The following PAIP2 variants were observed in gnomAD, a reference collection of about 807,000 sequenced individuals.
PAIP2 encodes the protein polyadenylate-binding protein-interacting protein 2.
A neutral mutation model predicts 14.8 loss-of-function variants in PAIP2; 7 were observed. That is an observed-to-expected ratio of 0.47 (90% CI 0.27 to 0.89). PAIP2 has a LOEUF of 0.89. Among genes scored for constraint, PAIP2 ranks in the 40% least tolerant of loss-of-function variants. The probability of loss-of-function intolerance (pLI) is 0.13; values close to 1 mark genes in which losing one functional copy is unlikely to be tolerated. For missense variants in PAIP2, 122 were observed against 154.7 expected, an observed-to-expected ratio of 0.79 and a Z score of 1.12; for synonymous variants, 47 against 45.3, an observed-to-expected ratio of 1.04 and a Z score of -0.15.
chr5:139,361,327 CA>C (rs1757061210), intron 1 of PAIP2, among the ~76,000 whole-genome samples: 1 of 151,814 alleles, frequency 6.6e-6, no homozygotes, highest in Non-Finnish European at 1.5e-5. Flanking sequence ...AAACTTATCC[CA>C]AAGGGAAAAA....
At chr5:139,351,722 CA>C (rs1756740694) in intron 1 of PAIP2, among the ~76,000 whole-genome samples, 2 of 151,966 alleles carry the variant, frequency 1.3e-5, no homozygotes, top group Admixed American at 1.3e-4. Context: ...CTTGCTGTAT[CA>C]CCCAGGCTGG....
chr5:139,344,882 A>G (rs1353205832), intron 1 of PAIP2, among the ~76,000 whole-genome samples: 1 of 152,086 alleles, frequency 6.6e-6, no homozygotes, highest in Non-Finnish European at 1.5e-5. Context: ...TTAATCACCG[A>G]GATAGTTAAT....
At chr5:139,357,982 T>G (rs944162591) in intron 1 of PAIP2, among the ~76,000 whole-genome samples, 9 of 148,410 alleles carry the variant, frequency 6.1e-5, no homozygotes, top group Admixed American at 4.0e-4. Flanking sequence ...GAACTGTTGG[T>G]TTTTTTTTTC....
rs1351705238 is a variant in PAIP2, at chr5:139,369,431, T to C, written c.*633T>C. ...TCTAAGGGATTCACTGCATCATAGC[T>C]ATGCCTGTATGGAGTCTAACATATG... On this transcript the variant is annotated 3_prime_UTR_variant, in exon 4 of 4. Transcript: ENST00000265192. 1 of 152,712 alleles carries C rather than the reference T, an allele frequency of 6.5e-6. No homozygotes were observed. The highest frequency in any genetic ancestry group is 2.4e-5 in the African/African-American group (1 of 41,470). 9.5% of individuals were successfully genotyped at this position (152,712 alleles called of 1,614,324 possible).
intron 1 of PAIP2, among the ~76,000 whole-genome samples, chr5:139,356,599 G>A (rs1191554527): frequency 6.6e-6 from 1 of 151,868 alleles, no homozygotes; most frequent in Non-Finnish European, 1.5e-5. Flanking sequence ...GACATTTCGG[G>A]CTGGGCACGG....
intron 1 of PAIP2, among the ~76,000 whole-genome samples, 177 bp downstream of exon 1, chr5:139,342,157 C>T (rs767629711): frequency 2.0e-5 from 3 of 152,100 alleles, no homozygotes; most frequent in Non-Finnish European, 2.9e-5. Flanking sequence ...GGGCCGACTT[C>T]GTCTCTGTCT....
intron 1 of PAIP2, among the ~76,000 whole-genome samples, chr5:139,351,223 A>G (rs1972086676): frequency 6.6e-6 from 1 of 152,122 alleles, no homozygotes; most frequent in African/African-American, 2.4e-5. Flanking sequence ...ATAATCTGTC[A>G]TCTCTTACAG....
intron 1 of PAIP2, among the ~76,000 whole-genome samples, chr5:139,360,438 A>T (rs1757035699): frequency 6.6e-6 from 1 of 152,072 alleles, no homozygotes; most frequent in Admixed American, 6.6e-5. Flanking sequence ...TTTTCTTTCT[A>T]CTAACACCAT....
chr5:139,356,992 G>T (rs1445280328), intron 1 of PAIP2, among the ~76,000 whole-genome samples: 1 of 151,958 alleles, frequency 6.6e-6, no homozygotes, highest in Non-Finnish European at 1.5e-5. Context: ...TGTCATTTTA[G>T]TGCCTTTTCT....
intron 1 of PAIP2, among the ~76,000 whole-genome samples, chr5:139,347,919 C>A (rs1046903206): frequency 5.9e-5 from 9 of 152,062 alleles, no homozygotes; most frequent in Admixed American, 4.6e-4. Context: ...TATCTGTAAT[C>A]CCAGCACTTC....
intron 1 of PAIP2, among the ~76,000 whole-genome samples, chr5:139,357,981 G>GT (rs911390985): frequency 7.3e-5 from 11 of 150,352 alleles, no homozygotes; most frequent in East Asian, 3.9e-4. Flanking sequence ...TGAACTGTTG[G>GT]TTTTTTTTTT....
At chr5:139,364,170 A>C in intron 2 of PAIP2, 1 of 476,438 alleles carries the variant, frequency 2.1e-6, no homozygotes, top group South Asian at 2.9e-5. Flanking sequence ...AGCCTGGGAA[A>C]CTTTTTCAGA....
Position 139,356,775 on chromosome 5 carries a change from T to G in PAIP2, c.-26-6984T>G, listed in dbSNP as rs563130810. ...GCTGGCATGCGCCTGTAGTCCCAGC[T>G]ACTCGGGAGGCTGAGGCAGGAGAAT... On this transcript the variant is annotated intron_variant, in intron 1 of 3. Coordinates refer to ENST00000265192, the MANE Select transcript of PAIP2 (RefSeq NM_016480.5). Among the ~76,000 whole-genome samples, 113 of 151,510 alleles carry G rather than the reference T, an allele frequency of 7.5e-4. 1 individual carries two copies. In the Middle Eastern group the frequency reaches 0.014, roughly 18 times the overall value.
chr5:139,354,851 T>G (rs1196319052), intron 1 of PAIP2, among the ~76,000 whole-genome samples: 2 of 151,204 alleles, frequency 1.3e-5, no homozygotes, highest in Non-Finnish European at 3.0e-5. Flanking sequence ...GATGGAGTCT[T>G]GCTCTGTTAC....
intron 1 of PAIP2, among the ~76,000 whole-genome samples, chr5:139,354,495 T>C (rs1756846933): frequency 6.6e-6 from 1 of 152,196 alleles, no homozygotes; most frequent in Admixed American, 6.6e-5. Context: ...ACGGGTCATA[T>C]TGAGTTTATC....
At chr5:139,355,471 T>A (rs1756880795) in intron 1 of PAIP2, among the ~76,000 whole-genome samples, 1 of 152,032 alleles carries the variant, frequency 6.6e-6, no homozygotes, top group Non-Finnish European at 1.5e-5. Flanking sequence ...CACGGCCCAC[T>A]ATTTGTCTCT....
At chr5:139,352,151 T>C (rs1163861013) in intron 1 of PAIP2, among the ~76,000 whole-genome samples, 1 of 150,578 alleles carries the variant, frequency 6.6e-6, no homozygotes, top group Non-Finnish European at 1.5e-5. Flanking sequence ...GCAAGTATAA[T>C]ACAGTATTCC....
chr5:139,343,799 C>G (rs1208146894), intron 1 of PAIP2, among the ~76,000 whole-genome samples: 2 of 150,716 alleles, frequency 1.3e-5, no homozygotes, highest in Non-Finnish European at 2.9e-5. Flanking sequence ...TCACTGCAAC[C>G]TCCGCCTCCC....
chr5:139,349,726 G>A (rs1756669392), intron 1 of PAIP2, among the ~76,000 whole-genome samples: 1 of 152,026 alleles, frequency 6.6e-6, no homozygotes, highest in Non-Finnish European at 1.5e-5. Context: ...ATTCCTGGCT[G>A]GGCACAGTGT....
Sources: gnomAD v4.1 joint callset for allele counts (sites outside exome capture counted in the v4.1 genomes callset) on GRCh38, gnomAD v4.1.1 for gene constraint, MANE v1.5 for transcripts, NCBI Gene and HGNC (gene_info 2026-07-23, HGNC 2026-07-21) for gene names.